ABCA13: variants seen among roughly 807,000 people sequenced by gnomAD.
ABCA13 encodes the protein ATP binding cassette subfamily A member 13.
In ABCA13, 476 loss-of-function variants were observed where a neutral mutation model predicts 478.7. The observed-to-expected ratio is 0.99, with a 90% CI of 0.92 to 1.07. The LOEUF (loss-of-function observed/expected upper bound fraction) is 1.07. Ranked by LOEUF, ABCA13 falls within the 50% of genes least tolerant of loss-of-function variation. The pLI, the probability that ABCA13 is intolerant of heterozygous loss-of-function variation, is 0.00. For synonymous variants in ABCA13, 2,252 were observed against 2,158.9 expected (o/e 1.04, Z -1.20); for missense variants, 6,060 against 5,910.6 (o/e 1.03, Z -0.83).
chr7:48,395,465 G>A (rs1816714848), intron 38 of ABCA13, among the ~76,000 whole-genome samples: 1 of 152,208 alleles, frequency 6.6e-6, no homozygotes, highest in South Asian at 2.1e-4. Flanking sequence ...GAACAACACA[G>A]GTTTGAACCC....
intron 24 of ABCA13, 102 bp from the exon 25 acceptor site, chr7:48,312,962 GAAT>G: frequency 8.1e-7 from 1 of 1,235,578 alleles, no homozygotes; most frequent in Non-Finnish European, 1.1e-6. Flanking sequence ...GTTCAAGAGA[GAAT>G]AAAATCAGAT....
intron 55 of ABCA13, among the ~76,000 whole-genome samples, chr7:48,551,796 G>A (rs1785349389): frequency 6.6e-6 from 1 of 151,678 alleles, no homozygotes; most frequent in African/African-American, 2.4e-5. Flanking sequence ...CTGACTACCA[G>A]AGAGTAGGTT....
chr7:48,636,142 A>G (rs1383236555), intron 59 of ABCA13, among the ~76,000 whole-genome samples: 1 of 152,112 alleles, frequency 6.6e-6, no homozygotes, highest in Non-Finnish European at 1.5e-5. Context: ...TCTTCTCATT[A>G]TTGTAAATAT....
At chr7:48,623,601 G>A (rs979763416) in intron 59 of ABCA13, among the ~76,000 whole-genome samples, 1 of 152,084 alleles carries the variant, frequency 6.6e-6, no homozygotes, top group African/African-American at 2.4e-5. Flanking sequence ...TGACAGTGTG[G>A]GTGTTCCCAA....
intron 3 of ABCA13, among the ~76,000 whole-genome samples, chr7:48,218,235 G>A (rs534927731): frequency 5.9e-5 from 9 of 152,288 alleles, no homozygotes; most frequent in East Asian, 1.9e-4. Flanking sequence ...TTTCCGAGGC[G>A]AATCTCATGT....
intron 59 of ABCA13, among the ~76,000 whole-genome samples, chr7:48,622,880 C>T (rs1291610311): frequency 6.6e-6 from 1 of 152,112 alleles, no homozygotes; most frequent in Non-Finnish European, 1.5e-5. Context: ...GTGACTTTTC[C>T]AGGATTACCA....
chr7:48,251,037 C>G (rs1205167932), intron 15 of ABCA13, among the ~76,000 whole-genome samples: 1 of 152,146 alleles, frequency 6.6e-6, no homozygotes, highest in Non-Finnish European at 1.5e-5. Context: ...AGAGATACTC[C>G]CTCTGTAGCT....
intron 51 of ABCA13, among the ~76,000 whole-genome samples, chr7:48,513,706 C>G (rs1831887143): frequency 6.6e-6 from 1 of 151,842 alleles, no homozygotes; most frequent in South Asian, 2.1e-4. Context: ...TTAATAAAAG[C>G]CTGGAGATTG....
At chr7:48,495,390 G>A (rs1585586419) in intron 48 of ABCA13, among the ~76,000 whole-genome samples, 2 of 151,948 alleles carry the variant, frequency 1.3e-5, no homozygotes, top group East Asian at 1.9e-4. Flanking sequence ...GGTTCATCAC[G>A]GTCAGTGACC....
At chr7:48,468,503 A>T (rs1827134622) in intron 44 of ABCA13, among the ~76,000 whole-genome samples, 1 of 152,226 alleles carries the variant, frequency 6.6e-6, no homozygotes, top group Non-Finnish European at 1.5e-5. Flanking sequence ...GGGTAGGAGG[A>T]GAGGTACATG....
chr7:48,577,077 G>A (rs1276717028), intron 55 of ABCA13, among the ~76,000 whole-genome samples: 1 of 152,104 alleles, frequency 6.6e-6, no homozygotes, highest in Non-Finnish European at 1.5e-5. Context: ...TACAGCAAAA[G>A]TTGTGCTTAA....
intron 59 of ABCA13, among the ~76,000 whole-genome samples, chr7:48,621,762 G>T (rs985344550): frequency 1.2e-4 from 19 of 152,158 alleles, no homozygotes; most frequent in African/African-American, 4.3e-4. Context: ...AAAGTTTAAA[G>T]AATCATGTCT....
intron 45 of ABCA13, among the ~76,000 whole-genome samples, chr7:48,472,147 T>G (rs1409526273): frequency 6.6e-6 from 1 of 152,086 alleles, no homozygotes; most frequent in Non-Finnish European, 1.5e-5. Context: ...AAAGAAAATC[T>G]CAGACTCTAA....
At chr7:48,262,525 C>T (rs970998985) in intron 15 of ABCA13, among the ~76,000 whole-genome samples, 1 of 151,930 alleles carries the variant, frequency 6.6e-6, no homozygotes, top group Non-Finnish European at 1.5e-5. Context: ...GCCATATACC[C>T]CTTGTCTATT....
chr7:48,543,140 T>C (rs1175788953), intron 55 of ABCA13, among the ~76,000 whole-genome samples: 1 of 151,792 alleles, frequency 6.6e-6, no homozygotes, highest in East Asian at 1.9e-4. Context: ...GACATTTCTT[T>C]TAGACATTAA....
chr7:48,290,940 G>GAAAAAAAA (rs57470116), intron 20 of ABCA13, among the ~76,000 whole-genome samples: 3 of 48,782 alleles, frequency 6.1e-5, no homozygotes, highest in East Asian at 5.7e-4. Flanking sequence ...CACACTCAGG[G>GAAAAAAAA]AAAAAAAAAA....
intron 42 of ABCA13, among the ~76,000 whole-genome samples, chr7:48,429,866 T>C (rs1176076048): frequency 1.3e-5 from 2 of 152,208 alleles, no homozygotes; most frequent in African/African-American, 2.4e-5. Flanking sequence ...TTTTTGGTTT[T>C]TGGTAGTTAA....
At chr7:48,317,133 T>C (rs1419998982) in intron 26 of ABCA13, 24 bp from the exon 27 acceptor site, 1 of 1,596,916 alleles carries the variant, frequency 6.3e-7, no homozygotes, top group East Asian at 2.2e-5. Context: ...TTAGCAACTT[T>C]TTTTTTCTTT....
chr7:48,494,262 A>G (rs1026122648), intron 48 of ABCA13, among the ~76,000 whole-genome samples: 5 of 152,080 alleles, frequency 3.3e-5, no homozygotes, highest in African/African-American at 1.2e-4. Flanking sequence ...TTTGCTTTTG[A>G]TGAAATGAGA....
Sources: allele counts gnomAD v4.1 joint callset (sites outside exome capture counted in the v4.1 genomes callset), GRCh38; gene constraint gnomAD v4.1.1; transcripts MANE v1.5; gene names NCBI Gene and HGNC (gene_info 2026-07-23, HGNC 2026-07-21).